HADHB: variants seen among roughly 807,000 people sequenced by gnomAD.
The protein encoded by HADHB is trifunctional enzyme subunit beta, mitochondrial.
Under a neutral mutation model 61.9 loss-of-function variants are expected in HADHB, and 50 were observed. The ratio of observed to expected loss-of-function variants is 0.81; its 90% confidence interval spans 0.64 to 1.02. The LOEUF (loss-of-function observed/expected upper bound fraction) is 1.02, where lower values mean the gene tolerates loss of function less well. Ranked by LOEUF, HADHB falls within the 50% of genes least tolerant of loss-of-function variation. HADHB has a pLI of 0.00. For missense variants in HADHB, 504 were observed against 586.5 expected (o/e 0.86, Z 1.45); for synonymous variants, 191 against 201.6 (o/e 0.95, Z 0.45).
intron 15 of HADHB, among the ~76,000 whole-genome samples, chr2:26,288,190 G>A (rs35490151): frequency 0.023 from 3,556 of 152,126 alleles, 130 homozygotes; most frequent in African/African-American, 0.081. Flanking sequence ...GCTTGAGCCC[G>A]GGATGTTGAG....
chr2:26,257,973 CGTGCCACT>C lies in HADHB; in HGVS notation c.109+3502_109+3509del, dbSNP rs553339145. Reference sequence around the variant, plus strand: ...GGCAGAGCTTGCAGTGAGCCGAGATCGTGCCACTGTACTCTAGCCTGGGGACAGAGCAA... The same window carrying C: ...GGCAGAGCTTGCAGTGAGCCGAGATCGTACTCTAGCCTGGGGACAGAGCAA... On this transcript the variant is annotated intron_variant, in intron 3 of 15. Coordinates refer to ENST00000317799, the MANE Select transcript of HADHB (RefSeq NM_000183.3). Among the ~76,000 whole-genome samples, 150 of 151,848 alleles carry C rather than the reference CGTGCCACT, an allele frequency of 9.9e-4. 1 individual carries two copies. The highest frequency in any genetic ancestry group is 3.5e-3 in the African/African-American group (143 of 41,432).
chr2:26,278,624 G>C lies in HADHB; in HGVS notation c.453G>C (p.Leu151Phe), dbSNP rs1475758972. ...ANQAMTTGVG[L>F]IASGQCDVIV... Reference sequence around the variant, plus strand: ...ACCTGTGCCCTGTAGGTGTTGGCTTGATTGCTTCTGGCCAGTGTGATGTGA... The same window carrying C: ...ACCTGTGCCCTGTAGGTGTTGGCTTCATTGCTTCTGGCCAGTGTGATGTGA... Residue 151 changes from leucine to phenylalanine, a missense_variant, in exon 8 of 16, where the codon TTG becomes TTC. Transcript: ENST00000317799. The C allele has an allele frequency of 6.2e-7, 1 of 1,613,932 alleles. No individual in the cohort carries two copies. Among genetic ancestry groups the C allele is most frequent in the Non-Finnish European group, 8.5e-7 (1 of 1,179,790 alleles).
intron 7 of HADHB, 72 bp downstream of exon 7, chr2:26,277,232 A>AATTT: frequency 1.9e-6 from 1 of 515,490 alleles, no homozygotes; most frequent in Non-Finnish European, 3.2e-6. Context: ...ATAAAAATGT[A>AATTT]CTTTTTTTTT....
chr2:26,264,624 CAT>C (rs1491455321), intron 4 of HADHB, among the ~76,000 whole-genome samples: 131 of 141,660 alleles, frequency 9.2e-4, no homozygotes, highest in East Asian at 2.0e-3. Flanking sequence ...GAAAGATACA[CAT>C]GTGTGTGTGT....
In HADHB at chr2:26,254,422, T is replaced by C. The variant is rs767498100; in HGVS notation, c.65-8T>C. ...TGCTTTTTGTAAACAGTTTATTTTGTCTTCCAGCCATAAGACCTCTGAGCT... is the reference window on the plus strand; with the variant it reads ...TGCTTTTTGTAAACAGTTTATTTTGCCTTCCAGCCATAAGACCTCTGAGCT... On this transcript the variant is annotated splice_region_variant and splice_polypyrimidine_tract_variant and intron_variant, in intron 2 of 15. Transcript: ENST00000317799. 3.1e-6 allele frequency: 5 copies of C among 1,601,482 alleles called. 1 individual carries two copies. The highest frequency in any genetic ancestry group is 4.3e-6 in the Non-Finnish European group (5 of 1,168,388).
intron 1 of HADHB, among the ~76,000 whole-genome samples, chr2:26,250,659 T>G (rs1041697548): frequency 2.0e-5 from 3 of 151,256 alleles, no homozygotes; most frequent in South Asian, 2.1e-4. Context: ...AAAGTTTTTT[T>G]TTTTTTTTTT....
At position 26,263,420 on chromosome 2, in the gene HADHB, T is replaced by A; in HGVS notation, c.150T>A (p.Asn50Lys). 3.1e-6 allele frequency: 5 copies of A among 1,613,418 alleles called. No homozygotes were observed. Among genetic ancestry groups the A allele is most frequent in the Non-Finnish European group, 4.2e-6 (5 of 1,179,506 alleles). ...CGAAGAAGACGTTAGCCAAACCCAA[T>A]ATAAGGAATGTTGTGGTGGTGGATG... The part of the protein sequence containing the change: ...TKTKKTLAKP[N>K]IRNVVVVDGV... Residue 50 changes from asparagine (N) to lysine (K), a missense_variant, in exon 4 of 16, where the codon AAT (asparagine) becomes AAA (lysine). Transcript: ENST00000317799.
chr2:26,271,503 G>A (rs1263166387), intron 5 of HADHB, among the ~76,000 whole-genome samples: 2 of 151,854 alleles, frequency 1.3e-5, no homozygotes, highest in South Asian at 2.1e-4. Flanking sequence ...GCAAAACTCC[G>A]TCTCAAAAAA....
At chr2:26,253,950 A>G (rs1163580433) in intron 1 of HADHB, among the ~76,000 whole-genome samples, 1 of 152,084 alleles carries the variant, frequency 6.6e-6, no homozygotes, top group Non-Finnish European at 1.5e-5. Context: ...TTGGCAAGTC[A>G]CTCAATCCTA....
intron 10 of HADHB, 124 bp from the exon 11 acceptor site, chr2:26,282,721 G>T: frequency 1.4e-6 from 1 of 724,838 alleles, no homozygotes. Flanking sequence ...AGTAAGTGTT[G>T]TTATATAGAA....
At chr2:26,288,593 C>A (rs1034948176) in intron 15 of HADHB, among the ~76,000 whole-genome samples, 71 of 151,886 alleles carry the variant, frequency 4.7e-4, no homozygotes, top group African/African-American at 1.6e-3. Flanking sequence ...CCTGTAGTCC[C>A]AGCTACTCGG....
At position 26,273,747 on chromosome 2, in the gene HADHB, A is replaced by G. The variant is rs1672440350; in HGVS notation, c.351A>G (p.Arg117=). The change falls in exon 6 of 16, where the codon AGA becomes AGG. Residue 117 remains arginine (R), a synonymous_variant. Coordinates refer to ENST00000317799, the MANE Select transcript of HADHB (RefSeq NM_000183.3). ...IQEVKTSNVA[R]EAALGAGFSD... is the part of the protein sequence containing the mutation. ...AAGTGAAAACAAGCAATGTGGCTAG[A>G]GAGGTGAGTAAAACAAACTTTATGT... 6.5e-7 allele frequency: 1 copy of G among 1,529,232 alleles called. No individual in the cohort carries two copies. The highest frequency in any genetic ancestry group is 9.1e-7 in the Non-Finnish European group (1 of 1,102,574). 94.7% of individuals were successfully genotyped at this position (1,529,232 alleles called of 1,614,324 possible). A position where few individuals can be genotyped will look rare whatever the true frequency, so the allele number is the denominator to read the frequency against.
chr2:26,245,167 A>C (rs933700555), intron 1 of HADHB, 177 bp downstream of exon 1: 1 of 196,466 alleles, frequency 5.1e-6, no homozygotes, highest in African/African-American at 2.3e-5. Flanking sequence ...CAGTTAGGAC[A>C]GTGACTTGGA....
chr2:26,256,124 T>C (rs950949315), intron 3 of HADHB, among the ~76,000 whole-genome samples: 2 of 152,222 alleles, frequency 1.3e-5, no homozygotes, highest in African/African-American at 4.8e-5. Flanking sequence ...GTGTATAACA[T>C]GGTGTTCCGC....
At chr2:26,267,034 G>A (rs904652751) in intron 4 of HADHB, among the ~76,000 whole-genome samples, 1 of 152,040 alleles carries the variant, frequency 6.6e-6, no homozygotes, top group African/African-American at 2.4e-5. Flanking sequence ...GTTCTCCTGT[G>A]ATTCTGAGTG....
intron 3 of HADHB, chr2:26,261,092 T>A (rs1048057384): frequency 3.6e-6 from 4 of 1,098,242 alleles, no homozygotes; most frequent in Non-Finnish European, 4.0e-6. Context: ...CTGAATCTAA[T>A]CAGCTTTTAT....
chr2:26,290,366 G>A lies in HADHB; in HGVS notation c.*413G>A. The A allele has an allele frequency of 2.6e-5, 5 of 189,936 alleles. No homozygotes were observed. The highest frequency in any genetic ancestry group is 3.3e-5 in the Non-Finnish European group (3 of 90,402). The allele number at this position is 189,936 out of a possible 1,614,324, so 11.8% of individuals were successfully genotyped here. ...CAAACCAACGTGCCTAATTAATTAT[G>A]GAAAAATAATTCAGAATCTAAACAC... On this transcript the variant is annotated 3_prime_UTR_variant, in exon 16 of 16. Coordinates refer to ENST00000317799, the MANE Select transcript of HADHB (RefSeq NM_000183.3).
chr2:26,283,127 A>T, intron 12 of HADHB, 76 bp downstream of exon 12: 5 of 911,180 alleles, frequency 5.5e-6, no homozygotes, highest in Non-Finnish European at 9.3e-6. Flanking sequence ...TGGTTAATAA[A>T]TGATTAACAC....
Position 26,285,544 on chromosome 2 carries a change from A to C in HADHB, c.1362A>C (p.Leu454Phe), listed in dbSNP as rs1446535238. Reference sequence around the variant, plus strand: ...GGAAAGAAGGAGGCCAGTATGGCTTAGTGGCTGCGTGTGCAGCTGGAGGGC... The same window carrying C: ...GGAAAGAAGGAGGCCAGTATGGCTTCGTGGCTGCGTGTGCAGCTGGAGGGC... ...RLRKEGGQYG[L>F]VAACAAGGQG... Residue 454 changes from leucine to phenylalanine, a missense_variant, in exon 15 of 16, where the codon TTA (leucine) becomes TTC (phenylalanine). Physicochemically the swap from Leu to Phe is conservative, Grantham distance 22. Coordinates refer to ENST00000317799, the MANE Select transcript of HADHB (RefSeq NM_000183.3). 1 of 1,613,962 alleles carries C rather than the reference A, an allele frequency of 6.2e-7. No homozygotes were observed. Among genetic ancestry groups the C allele is most frequent in the Admixed American group, 1.7e-5 (1 of 60,010 alleles).
Sources: allele counts gnomAD v4.1 joint callset (sites outside exome capture counted in the v4.1 genomes callset), GRCh38; gene constraint gnomAD v4.1.1; transcripts MANE v1.5; gene names NCBI Gene and HGNC (gene_info 2026-07-23, HGNC 2026-07-21).